Variants in NIBAN2 observed in about 807,000 individuals in gnomAD.
NIBAN2 encodes niban apoptosis regulator 2, also known as protein Niban 2.
Under a neutral mutation model 81.8 loss-of-function variants are expected in NIBAN2, and 36 were observed. The ratio of observed to expected loss-of-function variants is 0.44; its 90% CI spans 0.34 to 0.58. The LOEUF (loss-of-function observed/expected upper bound fraction) is 0.58, where lower values mean the gene tolerates loss of function less well. NIBAN2 is among the 20% of genes least tolerant of loss of function. The probability of loss-of-function intolerance (pLI) is 0.02; values close to 1 mark genes in which losing one functional copy is unlikely to be tolerated. For synonymous variants in NIBAN2, 445 were observed against 441.6 expected, an observed-to-expected ratio of 1.01 and a Z score of -0.10; for missense variants, 897 against 1,014.1, an observed-to-expected ratio of 0.88 and a Z score of 1.57.
intron 5 of NIBAN2, among the ~76,000 whole-genome samples, chr9:127,521,518 G>T (rs562445223): frequency 1.3e-5 from 2 of 152,148 alleles, no homozygotes; most frequent in Non-Finnish European, 2.9e-5. Context: ...CCCTGGGACC[G>T]CTGGTGTCCG....
At chr9:127,574,579 T>C (rs1214437386) in intron 1 of NIBAN2, among the ~76,000 whole-genome samples, 1 of 151,786 alleles carries the variant, frequency 6.6e-6, no homozygotes. Flanking sequence ...GCCCTTTCTC[T>C]CCCCATGAGT....
chr9:127,522,244 C>T (rs1454371038), intron 5 of NIBAN2, among the ~76,000 whole-genome samples: 1 of 152,190 alleles, frequency 6.6e-6, no homozygotes, highest in Non-Finnish European at 1.5e-5. Flanking sequence ...TGGCAGATTC[C>T]AGACAGGGCA....
upstream of NIBAN2, among the ~76,000 whole-genome samples, chr9:127,569,546 G>A (rs1250799847): frequency 6.6e-6 from 1 of 151,960 alleles, no homozygotes; most frequent in Non-Finnish European, 1.5e-5. Context: ...GAGGATGTGG[G>A]GCACTGGCAG....
Position 127,506,978 on chromosome 9 carries a change from G to A in NIBAN2, c.2108C>T (p.Pro703Leu). The A allele has an allele frequency of 2.5e-6, 4 of 1,601,882 alleles. No homozygotes were observed. The highest frequency in any genetic ancestry group is 1.1e-5 in the South Asian group (1 of 89,410). ...PPASPLQHLL[P>L]GKAVDLGPPK... ...GGGCCCAAGGTCCACAGCCTTTCCAGGCAGGAGATGCTGGAGGGGTGAGGC... is the reference window on the plus strand; with the variant it reads ...GGGCCCAAGGTCCACAGCCTTTCCAAGCAGGAGATGCTGGAGGGGTGAGGC... The change falls in exon 14 of 14, where the codon CCT becomes CTT. Residue 703 changes from proline to leucine, a missense_variant. Around this residue, in one of 3 missense-constraint regions of NIBAN2, gnomAD observed 619 missense variants for 691.0 expected, o/e 0.90. Transcript: ENST00000373312.
At position 127,507,608 on chromosome 9, in the gene NIBAN2, A is replaced by G. The variant is rs947745981; in HGVS notation, c.1655-177T>C. 1.3e-5 allele frequency among the ~76,000 whole-genome samples: 2 copies of G among 152,186 alleles called. No homozygotes were observed. The highest frequency in any genetic ancestry group is 2.4e-5 in the African/African-American group (1 of 41,452). On this transcript the variant is annotated intron_variant, in intron 13 of 13. Coordinates refer to ENST00000373312, the MANE Select transcript of NIBAN2 (RefSeq NM_022833.4). This position sits in a 1 kb window ranked among gnomAD's most constrained non-coding sequence, Gnocchi z 6.8. ...AGGCCGTGATGCTATCTCCAGGCCC[A>G]GGCTGCTGACCACATGTCATCTAAT...
At chr9:127,548,469 G>C (rs1214532140) in intron 1 of NIBAN2, among the ~76,000 whole-genome samples, 2 of 152,154 alleles carry the variant, frequency 1.3e-5, no homozygotes, top group Admixed American at 1.3e-4. Context: ...GTGGCCCTGG[G>C]CAAGTTCTGG....
Position 127,508,843 on chromosome 9 carries a change from A to G in NIBAN2, c.1317+133T>C. 1 of 1,006,812 alleles carries G rather than the reference A, an allele frequency of 9.9e-7. No individual in the cohort carries two copies. The allele number at this position is 1,006,812 out of a possible 1,614,324, so 62.4% of individuals were successfully genotyped here. A position where few individuals can be genotyped will look rare whatever the true frequency, so the allele number is the denominator to read the frequency against. ...GGGCAGAGGCACAGATGTTCCAAGC[A>G]GAGGAGGAGAGAGCGTGCCAGGCAA... On this transcript the variant is annotated intron_variant, in intron 10 of 13. Transcript: ENST00000373312. This position sits in a 1 kb window ranked among gnomAD's most constrained non-coding sequence, Gnocchi z 6.4.
chr9:127,518,036 C>A (rs986193755), intron 5 of NIBAN2, 95 bp from the exon 6 acceptor site: 1 of 705,734 alleles, frequency 1.4e-6, no homozygotes, highest in Admixed American at 2.9e-5. Flanking sequence ...CCCCCACACA[C>A]ATGGCATGCA....
In NIBAN2 at chr9:127,559,767, GGACCCTCTACCCAGCACCCT is replaced by G; in HGVS notation, c.55+9033_55+9052del. On this transcript the variant is annotated intron_variant, in intron 1 of 13. Transcript: ENST00000373312. The surrounding 1 kb of genome is among the most constrained non-coding windows in gnomAD (Gnocchi z 4.0). ...TCCCTGGGCCCCCACCCCTGCACGT[GGACCCTCTACCCAGCACCCT>G]GACCCACACCCGGCACTTCTGATCT... is the stretch of plus-strand genomic sequence containing the variant. Among the ~76,000 whole-genome samples the G allele has an allele frequency of 6.6e-6, 1 of 152,198 alleles. No homozygotes were observed. Among genetic ancestry groups the G allele is most frequent in the East Asian group, 1.9e-4 (1 of 5,172 alleles).
intron 8 of NIBAN2, among the ~76,000 whole-genome samples, chr9:127,514,041 G>A (rs1240350755): frequency 6.6e-6 from 1 of 152,188 alleles, no homozygotes; most frequent in African/African-American, 2.4e-5. Context: ...GGCCGAGGCA[G>A]GAAGATCACT....
chr9:127,506,459 G>A lies in NIBAN2; in HGVS notation c.*386C>T, dbSNP rs1176356233. ...CCAGCCAGCTCCTGGGTGAGTGGGC[G>A]GGAACCCACTGGGCTCACACCAGCT... On this transcript the variant is annotated 3_prime_UTR_variant, in exon 14 of 14. Coordinates refer to ENST00000373312, the MANE Select transcript of NIBAN2 (RefSeq NM_022833.4). 2.3e-5 allele frequency: 4 copies of A among 171,344 alleles called. No individual in the cohort carries two copies. Among genetic ancestry groups the A allele is most frequent in the Non-Finnish European group, 4.9e-5 (4 of 81,142 alleles). 10.6% of individuals were successfully genotyped at this position (171,344 alleles called of 1,614,324 possible). A position where few individuals can be genotyped will look rare whatever the true frequency, so the allele number is the denominator to read the frequency against.
chr9:127,534,708 G>T (rs142461930), intron 1 of NIBAN2, among the ~76,000 whole-genome samples: 1 of 152,194 alleles, frequency 6.6e-6, no homozygotes, highest in East Asian at 1.9e-4. Context: ...TTCCAGTTTG[G>T]GGGGAGGAAG....
At chr9:127,535,748 G>A (rs1837264323) in intron 1 of NIBAN2, among the ~76,000 whole-genome samples, 1 of 152,060 alleles carries the variant, frequency 6.6e-6, no homozygotes, top group African/African-American at 2.4e-5. Flanking sequence ...CAGGTAGGGA[G>A]GGCCAGGAAC....
In NIBAN2 at chr9:127,525,883, T is replaced by A. The variant is rs77773828; in HGVS notation, c.316-720A>T. Among the ~76,000 whole-genome samples the A allele has an allele frequency of 9.5e-4, 144 of 152,256 alleles. 1 individual carries two copies. In the East Asian group the frequency reaches 0.023, roughly 24 times the overall value. The stretch of plus-strand genomic sequence containing the variant: ...CCACCAATTTCCTAGGTTCTGAGCA[T>A]CACACAAGCGTCCTCTGGAGAATTA... On this transcript the variant is annotated intron_variant, in intron 3 of 13. Transcript: ENST00000373312.
At chr9:127,569,824 G>A (rs1446974112), upstream of NIBAN2, among the ~76,000 whole-genome samples, 1 of 152,244 alleles carries the variant, frequency 6.6e-6, no homozygotes, top group Non-Finnish European at 1.5e-5. Flanking sequence ...CACTCGGGAG[G>A]CGGCTTGGGG....
chr9:127,530,151 G>A (rs370248011), intron 2 of NIBAN2, among the ~76,000 whole-genome samples: 30 of 152,152 alleles, frequency 2.0e-4, no homozygotes, highest in African/African-American at 6.5e-4. Context: ...ACACAGATAC[G>A]CACCTGCCAG....
rs1327983589 is a variant in NIBAN2 at position 127,545,166 on chromosome 9, T to C, written c.56-13388A>G. On this transcript the variant is annotated intron_variant, in intron 1 of 13. Coordinates refer to ENST00000373312, the MANE Select transcript of NIBAN2 (RefSeq NM_022833.4). This position sits in a 1 kb window ranked among gnomAD's most constrained non-coding sequence, Gnocchi z 4.7. ...GGGTCCCACGTCTACAGTGCCCTCC[T>C]AGCGTCCACCCCTTGTGCCTGGCCA... 6.6e-6 allele frequency among the ~76,000 whole-genome samples: 1 copy of C among 152,156 alleles called. No individual in the cohort carries two copies. Among genetic ancestry groups the C allele is most frequent in the Non-Finnish European group, 1.5e-5 (1 of 67,998 alleles).
chr9:127,549,350 G>A (rs1248553196), intron 1 of NIBAN2, among the ~76,000 whole-genome samples: 1 of 151,024 alleles, frequency 6.6e-6, no homozygotes, highest in Non-Finnish European at 1.5e-5. Flanking sequence ...ACACTCACAT[G>A]CATGCCACAC....
chr9:127,554,378 C>T (rs963484457), intron 1 of NIBAN2, among the ~76,000 whole-genome samples: 15 of 152,078 alleles, frequency 9.9e-5, no homozygotes, highest in Admixed American at 9.8e-4. Context: ...GCTCAAACAC[C>T]CCTCTTCCAG....
Sources: allele counts gnomAD v4.1 joint callset (sites outside exome capture counted in the v4.1 genomes callset), GRCh38; gene constraint gnomAD v4.1.1; regional missense constraint gnomAD v4.1.1; non-coding constraint Gnocchi (gnomAD v3.1); transcripts MANE v1.5; gene names NCBI Gene and HGNC (gene_info 2026-07-23, HGNC 2026-07-21).